GLCE: variants seen among roughly 807,000 people sequenced by gnomAD.
The protein encoded by GLCE is glucuronic acid epimerase, also known as D-glucuronyl C5-epimerase.
A neutral mutation model predicts 47.9 loss-of-function variants in GLCE; 19 were observed. The observed-to-expected ratio is 0.40, with a 90% CI of 0.28 to 0.58. The LOEUF (loss-of-function observed/expected upper bound fraction) is 0.58, where lower values mean the gene tolerates loss of function less well. Ranked by LOEUF, GLCE falls within the 20% of genes least tolerant of loss-of-function variation. The pLI, the probability that GLCE is intolerant of heterozygous loss-of-function variation, is 0.48. For missense variants in GLCE, 556 were observed against 743.3 expected (o/e 0.75, Z 2.93); for synonymous variants, 245 against 263.4 (o/e 0.93, Z 0.68).
intron 1 of GLCE, among the ~76,000 whole-genome samples, chr15:69,177,330 T>TGA (rs2051682490): frequency 6.6e-6 from 1 of 152,202 alleles, no homozygotes. Context: ...CCCAAAGTGC[T>TGA]GAGATTACTG....
chr15:69,213,547 G>A (rs138542033), intron 2 of GLCE, among the ~76,000 whole-genome samples: 1 of 152,182 alleles, frequency 6.6e-6, no homozygotes, highest in African/African-American at 2.4e-5. Context: ...GAAGCCACGT[G>A]GTGTCAGAAT....
chr15:69,259,059 A>G (rs1441371332), intron 3 of GLCE, among the ~76,000 whole-genome samples: 1 of 151,932 alleles, frequency 6.6e-6, no homozygotes, highest in East Asian at 1.9e-4. Context: ...TTTTCACCCA[A>G]CTCTTGCCAT....
At chr15:69,223,842 A>G (rs12905585) in intron 2 of GLCE, among the ~76,000 whole-genome samples, 77,572 of 151,832 alleles carry the variant, frequency 0.51, 23,397 homozygotes, top group Admixed American at 0.66. Flanking sequence ...GCCTGCTCAG[A>G]TATGCCTTTG....
chr15:69,188,109 G>A (rs2051854171), intron 1 of GLCE, among the ~76,000 whole-genome samples: 1 of 152,000 alleles, frequency 6.6e-6, no homozygotes, highest in African/African-American at 2.4e-5. Context: ...TGGGCCTGGT[G>A]GTGCATGCCT....
At chr15:69,189,900 T>C (rs1050901483) in intron 1 of GLCE, among the ~76,000 whole-genome samples, 6 of 152,002 alleles carry the variant, frequency 3.9e-5, no homozygotes, top group African/African-American at 1.2e-4. Context: ...AGGTTTGTTG[T>C]ACAGATTATT....
intron 2 of GLCE, among the ~76,000 whole-genome samples, chr15:69,217,554 A>G (rs1027726662): frequency 5.3e-5 from 8 of 152,148 alleles, no homozygotes; most frequent in East Asian, 1.9e-4. Context: ...TGTGACTTCA[A>G]TTGAGTATGC....
At chr15:69,243,644 T>G (rs1322431435) in intron 2 of GLCE, among the ~76,000 whole-genome samples, 1 of 152,088 alleles carries the variant, frequency 6.6e-6, no homozygotes. Context: ...CTGGTGATTT[T>G]CATTCTAAGG....
chr15:69,231,672 TTTGTTG>T (rs946639277), intron 2 of GLCE, among the ~76,000 whole-genome samples: 1 of 152,132 alleles, frequency 6.6e-6, no homozygotes, highest in African/African-American at 2.4e-5. Context: ...CTCATTTCAT[TTTGTTG>T]TTGTTGTTTG....
chr15:69,237,673 T>A lies in GLCE; in HGVS notation c.-13-18121T>A, dbSNP rs1216145394. On this transcript the variant is annotated intron_variant, in intron 2 of 4. Transcript: ENST00000261858. ...TCTTCTGCATAGCTAATACTCTGTATCTTATGATTTTTAAAATTACTATAA... is the reference window on the plus strand; with the variant it reads ...TCTTCTGCATAGCTAATACTCTGTAACTTATGATTTTTAAAATTACTATAA... Among the ~76,000 whole-genome samples, 6 of 152,304 alleles carry A rather than the reference T, an allele frequency of 3.9e-5. No individual in the cohort carries two copies. In the East Asian group the frequency reaches 1.2e-3, roughly 29 times the overall value.
chr15:69,239,702 A>T (rs566443127), intron 2 of GLCE, among the ~76,000 whole-genome samples: 1 of 152,308 alleles, frequency 6.6e-6, no homozygotes, highest in South Asian at 2.1e-4. Flanking sequence ...TGTATCAAAT[A>T]TGTTAAAAAT....
At chr15:69,260,252 G>GTTTTTTTT (rs34911776) in intron 3 of GLCE, among the ~76,000 whole-genome samples, 2 of 79,224 alleles carry the variant, frequency 2.5e-5, no homozygotes, top group African/African-American at 4.3e-5. Flanking sequence ...GTCACAACTG[G>GTTTTTTTT]TTTTTTTTTT....
chr15:69,175,776 CT>C (rs2051653538), intron 1 of GLCE, among the ~76,000 whole-genome samples: 1 of 152,186 alleles, frequency 6.6e-6, no homozygotes, highest in African/African-American at 2.4e-5. Flanking sequence ...AAGCTAATGA[CT>C]TTCTGTTATG....
chr15:69,230,204 T>A (rs1433292969), intron 2 of GLCE, among the ~76,000 whole-genome samples: 1 of 109,110 alleles, frequency 9.2e-6, no homozygotes, highest in Non-Finnish European at 2.0e-5. Context: ...AGAAACTCCA[T>A]CTCGATTTAA....
intron 4 of GLCE, among the ~76,000 whole-genome samples, chr15:69,267,783 A>T (rs188500431): frequency 6.5e-4 from 98 of 151,726 alleles, no homozygotes; most frequent in Non-Finnish European, 1.1e-3. Context: ...TTTAAAATTC[A>T]TGTATAACCA....
rs557069596 is a variant in GLCE at position 69,198,847 on chromosome 15, G to A, written c.-104-11469G>A. 2.0e-5 allele frequency among the ~76,000 whole-genome samples: 3 copies of A among 152,164 alleles called. No individual in the cohort carries two copies. The East Asian group carries it at 5.8e-4, about 29-fold the overall frequency. ...TGGGATTACAGGCGTGAACCACCATGCTTGGCCAATATTTTCTTCTTTATA... is the reference window on the plus strand; with the variant it reads ...TGGGATTACAGGCGTGAACCACCATACTTGGCCAATATTTTCTTCTTTATA... On this transcript the variant is annotated intron_variant, in intron 1 of 4. Coordinates refer to ENST00000261858, the MANE Select transcript of GLCE (RefSeq NM_015554.3).
intron 2 of GLCE, among the ~76,000 whole-genome samples, chr15:69,228,749 C>T (rs955177432): frequency 1.2e-4 from 18 of 152,094 alleles, no homozygotes; most frequent in African/African-American, 3.6e-4. Flanking sequence ...TGGAGTGGCA[C>T]GATCTCGGCT....
At position 69,272,048 on chromosome 15, in the gene GLCE, G is replaced by A. The variant is rs2053173363; in HGVS notation, c.*2804G>A. 2.0e-5 allele frequency: 3 copies of A among 152,642 alleles called. No individual in the cohort carries two copies. The allele number at this position is 152,642 out of a possible 1,614,324, so 9.5% of individuals were successfully genotyped here. On this transcript the variant is annotated 3_prime_UTR_variant, in exon 5 of 5. Transcript: ENST00000261858. ...TTTGTAAAGCTGTACAGACTTTGCA[G>A]TTTAAGCACAATGTGCACATGTTAG...
intron 1 of GLCE, among the ~76,000 whole-genome samples, chr15:69,181,825 G>A (rs144631620): frequency 2.0e-5 from 3 of 151,722 alleles, no homozygotes; most frequent in Non-Finnish European, 2.9e-5. Context: ...TTGTTTTGAC[G>A]TGTTTGTAGG....
At chr15:69,167,664 A>G (rs1052909166) in intron 1 of GLCE, among the ~76,000 whole-genome samples, 2 of 152,204 alleles carry the variant, frequency 1.3e-5, no homozygotes, top group African/African-American at 4.8e-5. Context: ...AAGGTAGTGT[A>G]TAAAGATAAC....
Sources: gnomAD v4.1 joint callset for allele counts (sites outside exome capture counted in the v4.1 genomes callset) on GRCh38, gnomAD v4.1.1 for gene constraint, MANE v1.5 for transcripts, NCBI Gene and HGNC (gene_info 2026-07-23, HGNC 2026-07-21) for gene names.